Variants in TGS1 observed in about 807,000 individuals in gnomAD.
TGS1 encodes trimethylguanosine synthase 1.
TGS1 carries 69 observed loss-of-function variants against 92.2 expected under a neutral mutation model. That is an observed-to-expected ratio of 0.75 (90% CI 0.62 to 0.91). TGS1 has a LOEUF of 0.91. Ranked by LOEUF, TGS1 falls within the 40% of genes least tolerant of loss-of-function variation. The pLI, the probability that TGS1 is intolerant of heterozygous loss-of-function variation, is 0.00. For missense variants in TGS1, 1,062 were observed against 1,001.2 expected (o/e 1.06, Z -0.82); for synonymous variants, 345 against 338.1 (o/e 1.02, Z -0.22).
At chr8:55,784,535 G>C (rs1285108293) in intron 2 of TGS1, among the ~76,000 whole-genome samples, 1 of 151,948 alleles carries the variant, frequency 6.6e-6, no homozygotes. Flanking sequence ...TGTGTTGCTC[G>C]GGCTTATCTC....
At position 55,785,902 on chromosome 8, in the gene TGS1, ATTTACT is replaced by A. The variant is rs1286494351; in HGVS notation, c.339+16_339+21del. 3 of 1,573,328 alleles carry A rather than the reference ATTTACT, an allele frequency of 1.9e-6. No individual in the cohort carries two copies. The South Asian group carries it at 3.5e-5, about 18-fold the overall frequency. On this transcript the variant is annotated intron_variant, in intron 3 of 12. Transcript: ENST00000260129. The stretch of plus-strand genomic sequence containing the variant: ...CATAAGGATTTTGAGGTAAATATTA[ATTTACT>A]TTTATTATTTCTCTCTCTTCGTTTT...
At chr8:55,790,155 G>A (rs375985526) in intron 4 of TGS1, 27 bp from the exon 5 acceptor site, 13 of 1,555,016 alleles carry the variant, frequency 8.4e-6, no homozygotes, top group Non-Finnish European at 1.2e-5. Context: ...AGGGGGAAAA[G>A]CTACTGCAAT....
intron 12 of TGS1, among the ~76,000 whole-genome samples, chr8:55,823,782 G>C (rs1194744295): frequency 6.6e-6 from 1 of 152,058 alleles, no homozygotes; most frequent in African/African-American, 2.4e-5. Flanking sequence ...AATAAACCTG[G>C]GGAGGAGGAG....
intron 2 of TGS1, among the ~76,000 whole-genome samples, chr8:55,785,058 G>GTTTTTTTTTTTTTTTTT (rs1262385274): frequency 7.0e-6 from 1 of 143,588 alleles, no homozygotes; most frequent in African/African-American, 2.7e-5. Flanking sequence ...GGTGTTTTTT[G>GTTTTTTTTTTTTTTTTT]TTTTTTGTTT....
intron 6 of TGS1, among the ~76,000 whole-genome samples, chr8:55,793,733 AATTTATTTATTTATTTATTT>A (rs143163863): frequency 1.4e-4 from 21 of 144,876 alleles, no homozygotes; most frequent in Admixed American, 8.2e-4. Context: ...ATGCCCTGCT[AATTTATTTATTTATTTATTT>A]ATTTATTTAT....
chr8:55,781,881 T>C (rs539888885), intron 1 of TGS1, among the ~76,000 whole-genome samples: 2 of 152,344 alleles, frequency 1.3e-5, no homozygotes, highest in South Asian at 4.1e-4. Context: ...GCTGAATTTA[T>C]AGTCAGGAAG....
At chr8:55,817,375 G>T (rs909084162) in intron 12 of TGS1, among the ~76,000 whole-genome samples, 2 of 152,168 alleles carry the variant, frequency 1.3e-5, no homozygotes, top group African/African-American at 4.8e-5. Context: ...TATAAGAATA[G>T]AGTTGTAAGT....
At chr8:55,796,476 G>A (rs527399432) in intron 7 of TGS1, among the ~76,000 whole-genome samples, 138 of 151,896 alleles carry the variant, frequency 9.1e-4, no homozygotes, top group African/African-American at 3.2e-3. Flanking sequence ...GATCACCTGA[G>A]GTCGGGAGTA....
chr8:55,805,003 A>C lies in TGS1; in HGVS notation c.2110A>C (p.Asn704His), dbSNP rs367858216. The change falls in exon 10 of 13, where the codon AAT becomes CAT. Residue 704 changes from asparagine to histidine, a missense_variant. Coordinates refer to ENST00000260129, the MANE Select transcript of TGS1 (RefSeq NM_024831.8). The stretch of plus-strand genomic sequence containing the variant: ...AGACGCATTCTGTGGAGTTGGAGGA[A>C]ATACCATTCAGTTTGCCTTAACAGG... ...VVDAFCGVGG[N>H]TIQFALTGMR... The C allele has an allele frequency of 6.2e-7, 1 of 1,613,984 alleles. No individual in the cohort carries two copies. The highest frequency in any genetic ancestry group is 8.5e-7 in the Non-Finnish European group (1 of 1,179,924).
intron 5 of TGS1, among the ~76,000 whole-genome samples, chr8:55,791,980 A>T (rs76955001): frequency 0.01 from 1,528 of 152,200 alleles, 29 homozygotes; most frequent in African/African-American, 0.034. Context: ...AGACACTTGT[A>T]CTCCATATAG....
intron 10 of TGS1, among the ~76,000 whole-genome samples, chr8:55,807,550 C>A (rs1382502700): frequency 6.7e-6 from 1 of 150,006 alleles, no homozygotes; most frequent in Non-Finnish European, 1.5e-5. Context: ...GTTTTTGAGA[C>A]AGGGTCTCAC....
At chr8:55,801,867 G>A (rs903114954) in intron 8 of TGS1, among the ~76,000 whole-genome samples, 7 of 151,844 alleles carry the variant, frequency 4.6e-5, no homozygotes, top group African/African-American at 1.5e-4. Context: ...GAGCCACCTC[G>A]CTCAGCCCAC....
intron 1 of TGS1, among the ~76,000 whole-genome samples, chr8:55,774,310 A>T (rs977361331): frequency 1.3e-5 from 2 of 152,206 alleles, no homozygotes; most frequent in Non-Finnish European, 2.9e-5. Context: ...TGTTTCCTTT[A>T]TATTAAATGC....
intron 1 of TGS1, 69 bp from the exon 2 acceptor site, chr8:55,782,679 C>G (rs562792496): frequency 8.3e-7 from 1 of 1,198,386 alleles, no homozygotes; most frequent in South Asian, 1.4e-5. Context: ...TATGATGGCT[C>G]GAGATTTCTT....
intron 12 of TGS1, among the ~76,000 whole-genome samples, chr8:55,823,195 G>A (rs1332361309): frequency 6.6e-6 from 1 of 152,180 alleles, no homozygotes; most frequent in Non-Finnish European, 1.5e-5. Context: ...AGATTTCTGA[G>A]AGGTTGGGTG....
intron 7 of TGS1, among the ~76,000 whole-genome samples, chr8:55,797,128 GGA>G (rs912032436): frequency 1.6e-4 from 25 of 152,282 alleles, no homozygotes; most frequent in Non-Finnish European, 2.5e-4. Flanking sequence ...AATTTTTGAA[GGA>G]AAGAGGTTTA....
At chr8:55,799,929 A>G (rs959470183) in intron 8 of TGS1, among the ~76,000 whole-genome samples, 2 of 152,100 alleles carry the variant, frequency 1.3e-5, no homozygotes, top group African/African-American at 2.4e-5. Flanking sequence ...GATGATGGTC[A>G]TGTGTTTTTG....
At chr8:55,823,389 A>ACT (rs1803704139) in intron 12 of TGS1, among the ~76,000 whole-genome samples, 1 of 152,236 alleles carries the variant, frequency 6.6e-6, no homozygotes, top group East Asian at 1.9e-4. Context: ...TTTGATGCTA[A>ACT]CTGTGGAAGT....
rs1563476065 is a variant in TGS1, at chr8:55,826,262, C to T, written c.*1559C>T. Among the ~76,000 whole-genome samples, 1 of 152,110 alleles carries T rather than the reference C, an allele frequency of 6.6e-6. No individual in the cohort carries two copies. Among genetic ancestry groups the T allele is most frequent in the East Asian group, 1.9e-4 (1 of 5,204 alleles). On this transcript the variant is annotated 3_prime_UTR_variant, in exon 13 of 13. Coordinates refer to ENST00000260129, the MANE Select transcript of TGS1 (RefSeq NM_024831.8). ...CACTTAACCTTTCTTGCATATACTT[C>T]TTTCCACAGCTCATTTTCTTACTTG... is the stretch of plus-strand genomic sequence containing the variant.
Sources: gnomAD v4.1 joint callset for allele counts (sites outside exome capture counted in the v4.1 genomes callset) on GRCh38, gnomAD v4.1.1 for gene constraint, MANE v1.5 for transcripts, NCBI Gene and HGNC (gene_info 2026-07-23, HGNC 2026-07-21) for gene names.